SLC7A14: variants seen among roughly 807,000 people sequenced by gnomAD.
SLC7A14 encodes the protein solute carrier family 7 member 14, also known as gamma-aminobutyric acid transporter SLC7A14.
In SLC7A14, 37 loss-of-function variants were observed where a neutral mutation model predicts 60.2. The ratio of observed to expected loss-of-function variants is 0.61; its 90% CI spans 0.47 to 0.81. SLC7A14 has a LOEUF of 0.81. Among genes scored for constraint, SLC7A14 ranks in the 30% least tolerant of loss-of-function variants. The probability of loss-of-function intolerance (pLI) is 0.00; values close to 1 mark genes in which losing one functional copy is unlikely to be tolerated. For synonymous variants in SLC7A14, 399 were observed against 395.8 expected (o/e 1.01, Z -0.10); for missense variants, 886 against 982.7 (o/e 0.90, Z 1.32).
intron 3 of SLC7A14, among the ~76,000 whole-genome samples, chr3:170,499,654 G>A (rs2108279826): frequency 6.6e-6 from 1 of 152,218 alleles, no homozygotes; most frequent in African/African-American, 2.4e-5. Flanking sequence ...ATGGTAAGAG[G>A]GGTTTTCTGT....
intron 6 of SLC7A14, among the ~76,000 whole-genome samples, chr3:170,482,674 G>A (rs1225796908): frequency 1.3e-5 from 2 of 152,208 alleles, no homozygotes; most frequent in African/African-American, 2.4e-5. Flanking sequence ...GGAGTCGGAT[G>A]TTCTGGGATC....
chr3:170,539,471 T>G (rs912119810), intron 1 of SLC7A14, among the ~76,000 whole-genome samples: 4 of 152,250 alleles, frequency 2.6e-5, no homozygotes, highest in Admixed American at 6.5e-5. Context: ...TGTGTATTTA[T>G]CAGTCATCTA....
At position 170,459,704 on chromosome 3, in the gene SLC7A14, T is replaced by C. The variant is rs1432198725; in HGVS notation, c.*7351A>G. The C allele has an allele frequency of 6.6e-6, 1 of 152,226 alleles. No individual in the cohort carries two copies. Among genetic ancestry groups the C allele is most frequent in the Non-Finnish European group, 1.5e-5 (1 of 68,042 alleles). 9.4% of individuals were successfully genotyped at this position (152,226 alleles called of 1,614,324 possible). ...AAACACTTAAGGCGAAATTCACTTA[T>C]TCATCTCCATTTAAGAATGGAAAAA... On this transcript the variant is annotated 3_prime_UTR_variant, in exon 8 of 8. Transcript: ENST00000231706.
intron 1 of SLC7A14, among the ~76,000 whole-genome samples, chr3:170,528,503 A>G (rs1030908591): frequency 3.3e-5 from 5 of 152,252 alleles, no homozygotes; most frequent in African/African-American, 7.2e-5. Context: ...ATCTACTCAT[A>G]GTATTAATGA....
At chr3:170,499,360 A>G (rs543109658) in intron 3 of SLC7A14, among the ~76,000 whole-genome samples, 26 of 147,698 alleles carry the variant, frequency 1.8e-4, no homozygotes, top group Admixed American at 1.6e-3. Flanking sequence ...ACCAGTATCT[A>G]TTTGCAAATG....
intron 1 of SLC7A14, among the ~76,000 whole-genome samples, chr3:170,537,256 A>G (rs1713876214): frequency 6.6e-6 from 1 of 152,166 alleles, no homozygotes; most frequent in Non-Finnish European, 1.5e-5. Flanking sequence ...GGTCACCTGC[A>G]TTCCTTGACT....
intron 2 of SLC7A14, among the ~76,000 whole-genome samples, chr3:170,516,507 G>T (rs890731412): frequency 6.6e-6 from 1 of 151,232 alleles, no homozygotes; most frequent in African/African-American, 2.4e-5. Context: ...AGGATAGCTC[G>T]AGGTCAGGAG....
At chr3:170,479,191 C>T (rs762017529) in intron 7 of SLC7A14, among the ~76,000 whole-genome samples, 2 of 152,042 alleles carry the variant, frequency 1.3e-5, no homozygotes, top group Non-Finnish European at 2.9e-5. Context: ...GTCTCTTTGG[C>T]CTCTCTTGGG....
intron 1 of SLC7A14, among the ~76,000 whole-genome samples, chr3:170,557,263 C>A (rs1714511799): frequency 6.6e-6 from 1 of 152,090 alleles, no homozygotes; most frequent in South Asian, 2.1e-4. Context: ...GTAAGGCCAT[C>A]CTTTGGAATG....
intron 4 of SLC7A14, among the ~76,000 whole-genome samples, chr3:170,498,415 T>G (rs1173217847): frequency 6.6e-6 from 1 of 152,182 alleles, no homozygotes; most frequent in Non-Finnish European, 1.5e-5. Context: ...AATTGCAGGT[T>G]GCCAAAACAT....
At chr3:170,576,935 T>C (rs1715108920) in intron 1 of SLC7A14, among the ~76,000 whole-genome samples, 2 of 152,200 alleles carry the variant, frequency 1.3e-5, no homozygotes, top group African/African-American at 4.8e-5. Context: ...TCTCCTATTG[T>C]AAGTGCCATT....
At chr3:170,517,250 A>G (rs1303015428) in intron 2 of SLC7A14, among the ~76,000 whole-genome samples, 4 of 152,226 alleles carry the variant, frequency 2.6e-5, no homozygotes, top group African/African-American at 9.6e-5. Context: ...CTGCATCATT[A>G]TTATGATTTT....
intron 4 of SLC7A14, among the ~76,000 whole-genome samples, chr3:170,487,175 G>A (rs1004021539): frequency 1.3e-4 from 18 of 140,314 alleles, no homozygotes; most frequent in African/African-American, 4.5e-4. Flanking sequence ...TCTGCTGGCA[G>A]TCTGTCTGCC....
chr3:170,480,715 C>T lies in SLC7A14; in HGVS notation c.1567G>A (p.Asp523Asn). 1 of 1,614,214 alleles carries T rather than the reference C, an allele frequency of 6.2e-7. No homozygotes were observed. Among genetic ancestry groups the T allele is most frequent in the Non-Finnish European group, 8.5e-7 (1 of 1,180,044 alleles). Reference sequence around the variant, plus strand: ...ATGAGATAAATATTTTCGGATTCATCAGCTTCTATGCCTGTGGTCATGTCC... The same window carrying T: ...ATGAGATAAATATTTTCGGATTCATTAGCTTCTATGCCTGTGGTCATGTCC... ...TVDMTTGIEA[D>N]ESENIYLIKL... is the part of the protein sequence containing the mutation. Residue 523 changes from aspartate to asparagine, a missense_variant, in exon 7 of 8, where the codon GAT becomes AAT. Coordinates refer to ENST00000231706, the MANE Select transcript of SLC7A14 (RefSeq NM_020949.3).
At chr3:170,515,282 C>T (rs1052173044) in intron 2 of SLC7A14, among the ~76,000 whole-genome samples, 1 of 150,460 alleles carries the variant, frequency 6.6e-6, no homozygotes, top group African/African-American at 2.5e-5. Flanking sequence ...CACTACACTC[C>T]ATCCTGGGCG....
At chr3:170,567,423 G>C (rs1313708389) in intron 1 of SLC7A14, among the ~76,000 whole-genome samples, 2 of 150,984 alleles carry the variant, frequency 1.3e-5, no homozygotes, top group African/African-American at 4.9e-5. Context: ...GGACATTTGG[G>C]TTGGTTCCAA....
chr3:170,571,770 G>T (rs1714961278), intron 1 of SLC7A14, among the ~76,000 whole-genome samples: 1 of 152,030 alleles, frequency 6.6e-6, no homozygotes, highest in Non-Finnish European at 1.5e-5. Flanking sequence ...CCTAGAAAAA[G>T]TAAGACTTGG....
intron 1 of SLC7A14, among the ~76,000 whole-genome samples, chr3:170,531,119 G>C (rs1339872828): frequency 6.6e-6 from 1 of 152,128 alleles, no homozygotes; most frequent in Non-Finnish European, 1.5e-5. Context: ...AAATGCCCCA[G>C]CTTATGCTAG....
chr3:170,519,087 T>C (rs1281905742), intron 2 of SLC7A14, among the ~76,000 whole-genome samples: 1 of 151,994 alleles, frequency 6.6e-6, no homozygotes, highest in Non-Finnish European at 1.5e-5. Context: ...GGAGGTAAAA[T>C]GCAAAGTGGA....
Sources: gnomAD v4.1 joint callset for allele counts (sites outside exome capture counted in the v4.1 genomes callset) on GRCh38, gnomAD v4.1.1 for gene constraint, MANE v1.5 for transcripts, NCBI Gene and HGNC (gene_info 2026-07-23, HGNC 2026-07-21) for gene names.